PARD3B: variants seen among roughly 807,000 people sequenced by gnomAD.
PARD3B encodes partitioning defective 3 homolog B.
In PARD3B, 103 loss-of-function variants were observed where a neutral mutation model predicts 130.2. The ratio of observed to expected loss-of-function variants is 0.79; its 90% CI spans 0.67 to 0.93. The LOEUF (loss-of-function observed/expected upper bound fraction) is 0.93. Among genes scored for constraint, PARD3B ranks in the 40% least tolerant of loss-of-function variants. The probability of loss-of-function intolerance (pLI) is 0.00; values close to 1 mark genes in which losing one functional copy is unlikely to be tolerated. For synonymous variants in PARD3B, 583 were observed against 553.2 expected (o/e 1.05, Z -0.76); for missense variants, 1,609 against 1,499.2 (o/e 1.07, Z -1.21).
chr2:204,882,800 A>G (rs143919350), intron 2 of PARD3B, among the ~76,000 whole-genome samples: 2 of 152,276 alleles, frequency 1.3e-5, no homozygotes, highest in East Asian at 3.9e-4. Flanking sequence ...TCAGGTGATT[A>G]TGAATCTCTA....
rs1307689613 is a variant in PARD3B, at chr2:204,664,751, T to C, written c.121-21430T>C. Among the ~76,000 whole-genome samples the C allele has an allele frequency of 1.3e-5, 2 of 152,202 alleles. No individual in the cohort carries two copies. Among genetic ancestry groups the C allele is most frequent in the Non-Finnish European group, 2.9e-5 (2 of 68,038 alleles). On this transcript the variant is annotated intron_variant, in intron 1 of 22. Transcript: ENST00000406610. This position sits in a 1 kb window ranked among gnomAD's most constrained non-coding sequence, Gnocchi z 5.2. ...TGATAATAGTTTTCTGTAAGCTATG[T>C]GAATGTCAGAGAGCAGAAATAGTCA...
chr2:205,286,912 A>T (rs2041416259), intron 16 of PARD3B, among the ~76,000 whole-genome samples: 1 of 152,194 alleles, frequency 6.6e-6, no homozygotes, highest in African/African-American at 2.4e-5. Context: ...TTGTCTAACC[A>T]TTGGTAGTAT....
chr2:205,189,137 A>G (rs1232899788), intron 14 of PARD3B, among the ~76,000 whole-genome samples: 2 of 152,130 alleles, frequency 1.3e-5, no homozygotes, highest in African/African-American at 4.8e-5. Context: ...CCACATGTTC[A>G]TATTCTCTTT....
intron 1 of PARD3B, among the ~76,000 whole-genome samples, chr2:204,569,436 G>C (rs1273957072): frequency 6.6e-6 from 1 of 152,164 alleles, no homozygotes; most frequent in Non-Finnish European, 1.5e-5. Context: ...GAAATTATAA[G>C]ATGTGTAACA....
intron 1 of PARD3B, among the ~76,000 whole-genome samples, chr2:204,624,113 G>C (rs767917536): frequency 6.6e-6 from 1 of 152,040 alleles, no homozygotes; most frequent in Non-Finnish European, 1.5e-5. Flanking sequence ...GGGATAATGG[G>C]TTATATCCAA....
intron 1 of PARD3B, among the ~76,000 whole-genome samples, chr2:204,676,117 T>TG (rs1428248707): frequency 1.3e-5 from 2 of 149,726 alleles, no homozygotes; most frequent in African/African-American, 4.9e-5. Flanking sequence ...GTATTTTTTT[T>TG]GGGGCGGGGG....
At chr2:204,786,268 G>A (rs778050243) in intron 2 of PARD3B, among the ~76,000 whole-genome samples, 1 of 152,062 alleles carries the variant, frequency 6.6e-6, no homozygotes, top group Non-Finnish European at 1.5e-5. Context: ...TGATTCTATG[G>A]GATTTTACAT....
At chr2:204,688,297 G>GT (rs1445795896) in intron 2 of PARD3B, among the ~76,000 whole-genome samples, 5 of 151,954 alleles carry the variant, frequency 3.3e-5, no homozygotes, top group Non-Finnish European at 2.9e-5. Flanking sequence ...TAAAAAATAC[G>GT]TAAGTGGCAC....
chr2:205,546,494 T>C (rs2052386585), intron 21 of PARD3B, among the ~76,000 whole-genome samples: 1 of 152,170 alleles, frequency 6.6e-6, no homozygotes, highest in Non-Finnish European at 1.5e-5. Context: ...CCTTATTTTT[T>C]TGTGATGAGG....
At chr2:204,851,817 C>T (rs1012087757) in intron 2 of PARD3B, among the ~76,000 whole-genome samples, 49 of 151,922 alleles carry the variant, frequency 3.2e-4, no homozygotes, top group African/African-American at 1.1e-3. Context: ...CTCAGCCTCC[C>T]GAGTAGCTGG....
intron 18 of PARD3B, among the ~76,000 whole-genome samples, chr2:205,315,516 A>T (rs2042535717): frequency 6.6e-6 from 1 of 152,080 alleles, no homozygotes; most frequent in Admixed American, 6.6e-5. Flanking sequence ...ATTATCAGAG[A>T]CTCTAATTCA....
intron 1 of PARD3B, among the ~76,000 whole-genome samples, chr2:204,589,433 A>G (rs1438199739): frequency 6.6e-6 from 1 of 152,246 alleles, no homozygotes; most frequent in African/African-American, 2.4e-5. Flanking sequence ...CATTGAAGTT[A>G]CTGGGAGCCA....
intron 3 of PARD3B, among the ~76,000 whole-genome samples, chr2:205,036,475 CTATA>C (rs1017596715): frequency 6.8e-6 from 1 of 145,988 alleles, no homozygotes; most frequent in African/African-American, 2.5e-5. Flanking sequence ...ATATAGCGGA[CTATA>C]TATATAAAAA....
At chr2:204,941,875 A>G (rs1184582170) in intron 2 of PARD3B, among the ~76,000 whole-genome samples, 2 of 152,102 alleles carry the variant, frequency 1.3e-5, no homozygotes, top group Non-Finnish European at 2.9e-5. Flanking sequence ...ATCTTTGTGC[A>G]TGTTCTAAAT....
In PARD3B at chr2:205,563,286, G is replaced by A. The variant is rs1329981197; in HGVS notation, c.3260+9883G>A. 6.6e-6 allele frequency among the ~76,000 whole-genome samples: 1 copy of A among 152,102 alleles called. No homozygotes were observed. Among genetic ancestry groups the A allele is most frequent in the Admixed American group, 6.6e-5 (1 of 15,258 alleles). On this transcript the variant is annotated intron_variant, in intron 22 of 22. Coordinates refer to ENST00000406610, the MANE Select transcript of PARD3B (RefSeq NM_001302769.2). The surrounding 1 kb of genome is among the most constrained non-coding windows in gnomAD (Gnocchi z 4.2). ...AGGGAGAGGTTGTAAAACCTATTGC[G>A]TGCCTTCTATGTCTGTACGTTTTGC... is the stretch of plus-strand genomic sequence containing the variant.
intron 15 of PARD3B, among the ~76,000 whole-genome samples, chr2:205,215,252 A>G (rs2037846578): frequency 6.6e-6 from 1 of 151,976 alleles, no homozygotes; most frequent in South Asian, 2.1e-4. Context: ...AAGTGATCCT[A>G]AGAGTTCACT....
intron 16 of PARD3B, among the ~76,000 whole-genome samples, chr2:205,250,130 ATTTTC>A (rs1232363201): frequency 1.3e-5 from 2 of 151,614 alleles, no homozygotes; most frequent in African/African-American, 4.8e-5. Flanking sequence ...ATTCTTTCTT[ATTTTC>A]TTTCTGTCTA....
chr2:205,327,921 A>C (rs1008356464), intron 18 of PARD3B, among the ~76,000 whole-genome samples: 1 of 152,172 alleles, frequency 6.6e-6, no homozygotes, highest in Non-Finnish European at 1.5e-5. Context: ...TCCAGGGTCC[A>C]TTTTTATTTT....
chr2:204,665,545 C>T (rs2035985645), intron 1 of PARD3B, among the ~76,000 whole-genome samples: 1 of 152,152 alleles, frequency 6.6e-6, no homozygotes, highest in South Asian at 2.1e-4. Context: ...CATTGAGTCC[C>T]AACTCACTAG....
Sources: allele counts gnomAD v4.1 joint callset (sites outside exome capture counted in the v4.1 genomes callset), GRCh38; gene constraint gnomAD v4.1.1; non-coding constraint Gnocchi (gnomAD v3.1); transcripts MANE v1.5; gene names NCBI Gene and HGNC (gene_info 2026-07-23, HGNC 2026-07-21).